COL5A3: variants seen among roughly 807,000 people sequenced by gnomAD.
COL5A3 encodes collagen type V alpha 3 chain.
In COL5A3, 172 loss-of-function variants were observed where a neutral mutation model predicts 250.0. The observed-to-expected ratio is 0.69, with a 90% CI of 0.61 to 0.78. The LOEUF (loss-of-function observed/expected upper bound fraction) is 0.78, where lower values mean the gene tolerates loss of function less well. Ranked by LOEUF, COL5A3 falls within the 30% of genes least tolerant of loss-of-function variation. The pLI, the probability that COL5A3 is intolerant of heterozygous loss-of-function variation, is 0.00. For missense variants in COL5A3, 2,340 were observed against 2,334.4 expected, an observed-to-expected ratio of 1.00 and a Z score of -0.05; for synonymous variants, 937 against 900.4, an observed-to-expected ratio of 1.04 and a Z score of -0.73.
intron 61 of COL5A3, 198 bp downstream of exon 61, chr19:9,967,706 G>A (rs747555309): frequency 3.5e-6 from 2 of 567,366 alleles, no homozygotes; most frequent in Non-Finnish European, 2.9e-6. Context: ...CTAGCAGTTT[G>A]TAAAATAATG....
At chr19:9,986,880 G>T in intron 27 of COL5A3, 122 bp from the exon 28 acceptor site, 1 of 1,032,998 alleles carries the variant, frequency 9.7e-7, no homozygotes, top group South Asian at 1.4e-5. Context: ...AAGCTGGGAG[G>T]GGCAGCTTCA....
At chr19:9,979,791 GA>G (rs60233060) in intron 37 of COL5A3, 47 bp downstream of exon 37, 113,451 of 1,215,442 alleles carry the variant, frequency 0.093, 28 homozygotes, top group East Asian at 0.12. Context: ...GTCTCAAAAA[GA>G]AAAAAAAAAA....
intron 16 of COL5A3, among the ~76,000 whole-genome samples, chr19:9,994,188 A>G (rs2087237341): frequency 6.6e-6 from 1 of 151,112 alleles, no homozygotes; most frequent in South Asian, 2.1e-4. Context: ...TAATTTATTT[A>G]TGTATTTTAG....
At chr19:9,977,011 G>A (rs954318165) in intron 44 of COL5A3, among the ~76,000 whole-genome samples, 2 of 152,100 alleles carry the variant, frequency 1.3e-5, no homozygotes, top group African/African-American at 4.8e-5. Context: ...TTCTTTGGGA[G>A]CCCCAGCTGT....
intron 56 of COL5A3, 83 bp from the exon 57 acceptor site, chr19:9,969,485 G>A: frequency 6.3e-7 from 1 of 1,587,598 alleles, no homozygotes; most frequent in Non-Finnish European, 8.6e-7. Flanking sequence ...ACCAGGGGCA[G>A]CCCCTCCAAA....
chr19:9,971,786 C>G (rs1356479189), intron 51 of COL5A3, among the ~76,000 whole-genome samples: 1 of 152,138 alleles, frequency 6.6e-6, no homozygotes, highest in Non-Finnish European at 1.5e-5. Flanking sequence ...ATCTTTGCAA[C>G]AGTGTTAGAA....
chr19:9,960,930 T>C (rs759476362), intron 65 of COL5A3, 40 bp from the exon 66 acceptor site: 1 of 1,593,918 alleles, frequency 6.3e-7, no homozygotes, highest in Admixed American at 1.7e-5. Flanking sequence ...AGGGGCTCCA[T>C]GAGCCTCTTT....
chr19:10,010,066 G>T (rs1276671315), intron 1 of COL5A3, among the ~76,000 whole-genome samples: 1 of 152,010 alleles, frequency 6.6e-6, no homozygotes, highest in Non-Finnish European at 1.5e-5. Flanking sequence ...CACATTGCAT[G>T]CATTCCCACG....
intron 24 of COL5A3, among the ~76,000 whole-genome samples, chr19:9,991,387 T>A (rs1454836754): frequency 6.6e-6 from 1 of 152,226 alleles, no homozygotes; most frequent in African/African-American, 2.4e-5. Flanking sequence ...GCTCTCTGTA[T>A]CCTGACAATA....
chr19:9,976,145 G>A (rs1170125599), intron 45 of COL5A3, among the ~76,000 whole-genome samples: 1 of 151,956 alleles, frequency 6.6e-6, no homozygotes, highest in Non-Finnish European at 1.5e-5. Context: ...GTTCACATTG[G>A]GTGTTGGCAT....
At chr19:9,977,130 A>G (rs926097835) in intron 44 of COL5A3, 99 bp downstream of exon 44, 2 of 1,210,534 alleles carry the variant, frequency 1.7e-6, no homozygotes, top group Admixed American at 1.8e-5. Flanking sequence ...AGAAAACTCC[A>G]TGGCCTCTCC....
At chr19:10,001,916 G>T (rs755678823) in intron 6 of COL5A3, 35 bp from the exon 7 acceptor site, 8 of 1,500,500 alleles carry the variant, frequency 5.3e-6, no homozygotes, top group Non-Finnish European at 7.4e-6. Context: ...TGGGTCTCGG[G>T]TGAGGGCAAT....
At chr19:9,995,466 C>A in intron 16 of COL5A3, 98 bp downstream of exon 16, 1 of 1,089,756 alleles carries the variant, frequency 9.2e-7, no homozygotes, top group African/African-American at 1.6e-5. Context: ...TCTTTTCCCA[C>A]TAACGACACC....
chr19:9,962,097 A>T (rs1461661307), intron 65 of COL5A3, among the ~76,000 whole-genome samples: 2 of 151,914 alleles, frequency 1.3e-5, no homozygotes, highest in Non-Finnish European at 2.9e-5. Context: ...AAAATACAAA[A>T]TATCTTAATA....
At chr19:9,985,516 G>A (rs185641911) in intron 31 of COL5A3, among the ~76,000 whole-genome samples, 225 of 150,978 alleles carry the variant, frequency 1.5e-3, no homozygotes, top group African/African-American at 4.9e-3. Flanking sequence ...TGCGTCTGCC[G>A]CCCAAAGTGT....
intron 8 of COL5A3, 87 bp from the exon 9 acceptor site, chr19:9,998,236 A>G (rs2087301973): frequency 1.1e-6 from 1 of 921,472 alleles, no homozygotes; most frequent in South Asian, 1.8e-5. Context: ...ACACTTGCAC[A>G]CACACACACA....
rs191347649 is a variant in COL5A3, at chr19:9,981,859, T to A, written c.2460+206A>T. Among the ~76,000 whole-genome samples, 6 of 152,352 alleles carry A rather than the reference T, an allele frequency of 3.9e-5. 1 individual carries two copies. The highest frequency in any genetic ancestry group is 1.3e-4 in the Admixed American group (2 of 15,300). On this transcript the variant is annotated intron_variant, in intron 32 of 66. Transcript: ENST00000264828. The stretch of plus-strand genomic sequence containing the variant: ...GATATTGAAAGATACATGAAACACA[T>A]ATACATGTGCTTACAGTCATATTCA...
In COL5A3 at chr19:9,986,610, G is replaced by A; in HGVS notation, c.2191-4C>T. 6 of 1,613,802 alleles carry A rather than the reference G, an allele frequency of 3.7e-6. No homozygotes were observed. The highest frequency in any genetic ancestry group is 5.1e-6 in the Non-Finnish European group (6 of 1,179,906). ...AGCCTGGGAAGCCGTCCTCTCCCTG[G>A]GTGGGAGAGACAGAGGCCAGAAGTG... On this transcript the variant is annotated splice_region_variant and splice_polypyrimidine_tract_variant and intron_variant, in intron 28 of 66. Coordinates refer to ENST00000264828, the MANE Select transcript of COL5A3 (RefSeq NM_015719.4).
chr19:9,986,374 G>T lies in COL5A3; in HGVS notation c.2293C>A (p.Pro765Thr). ...CCAGCCTGCCCCGCCTGCCCCTTCG[G>T]CCCCTCAGGACCATCCTCTCCCCGG... Reference protein sequence around the residue: ...GPRGEDGPEGPKGQAGQAGEE... With the variant: ...GPRGEDGPEGTKGQAGQAGEE... The change falls in exon 30 of 67, where the codon CCG becomes ACG. Residue 765 changes from proline (P) to threonine (T), a missense_variant. Physicochemically the swap from Pro to Thr is conservative, Grantham distance 38. This residue lies in a region of COL5A3 where 1,152 missense variants were observed against 1,146.3 expected (regional missense o/e 1.00). Transcript: ENST00000264828. The T allele has an allele frequency of 6.2e-7, 1 of 1,606,884 alleles. No homozygotes were observed. Among genetic ancestry groups the T allele is most frequent in the Non-Finnish European group, 8.5e-7 (1 of 1,178,854 alleles).
Sources: allele counts gnomAD v4.1 joint callset (sites outside exome capture counted in the v4.1 genomes callset), GRCh38; gene constraint gnomAD v4.1.1; regional missense constraint gnomAD v4.1.1; transcripts MANE v1.5; gene names NCBI Gene and HGNC (gene_info 2026-07-23, HGNC 2026-07-21).